Variants in SLX4IP observed in about 807,000 individuals in gnomAD.
SLX4IP encodes the protein protein SLX4IP.
A neutral mutation model predicts 32.9 loss-of-function variants in SLX4IP; 34 were observed. That is an observed-to-expected ratio of 1.03 (90% confidence interval 0.79 to 1.38). The LOEUF (loss-of-function observed/expected upper bound fraction) is 1.38. Among genes scored for constraint, SLX4IP ranks in the 40% most tolerant of loss-of-function variants. The pLI, the probability that SLX4IP is intolerant of heterozygous loss-of-function variation, is 0.00. For synonymous variants in SLX4IP, 172 were observed against 171.7 expected (o/e 1.00, Z -0.01); for missense variants, 444 against 479.0 (o/e 0.93, Z 0.68).
intron 4 of SLX4IP, among the ~76,000 whole-genome samples, chr20:10,585,498 T>C (rs1324934015): frequency 6.6e-6 from 1 of 152,162 alleles, no homozygotes; most frequent in Non-Finnish European, 1.5e-5. Context: ...CAGCCATGAC[T>C]TTTCCTCTGA....
chr20:10,572,456 A>G (rs536622097), intron 4 of SLX4IP, among the ~76,000 whole-genome samples: 1 of 152,240 alleles, frequency 6.6e-6, no homozygotes, highest in South Asian at 2.1e-4. Flanking sequence ...TTCTCTGATC[A>G]TGAGATGGAA....
At chr20:10,482,579 G>A (rs986969252) in intron 2 of SLX4IP, among the ~76,000 whole-genome samples, 1 of 152,150 alleles carries the variant, frequency 6.6e-6, no homozygotes, top group African/African-American at 2.4e-5. Flanking sequence ...ACTCTCTTCT[G>A]AGGTTGTACT....
Position 10,625,243 on chromosome 20 carries a change from G to T in SLX4IP, c.*1864G>T, listed in dbSNP as rs774727577. On this transcript the variant is annotated 3_prime_UTR_variant, in exon 8 of 8. Transcript: ENST00000334534. Reference sequence around the variant, plus strand: ...GCTCTTTATTGAACACAGGACCACAGTGTGTCACTGAATCTTCTTAAACAG... The same window carrying T: ...GCTCTTTATTGAACACAGGACCACATTGTGTCACTGAATCTTCTTAAACAG... 2.0e-5 allele frequency: 3 copies of T among 152,226 alleles called. No homozygotes were observed. Among genetic ancestry groups the T allele is most frequent in the Non-Finnish European group, 4.4e-5 (3 of 68,060 alleles). 9.4% of individuals were successfully genotyped at this position (152,226 alleles called of 1,614,324 possible).
At chr20:10,453,338 C>T (rs2065259000) in intron 1 of SLX4IP, among the ~76,000 whole-genome samples, 1 of 81,536 alleles carries the variant, frequency 1.2e-5, no homozygotes, top group South Asian at 3.5e-4. Flanking sequence ...GTGTGTAGAT[C>T]TTCCTGGACG....
chr20:10,441,828 T>A (rs1267288923), intron 1 of SLX4IP, among the ~76,000 whole-genome samples: 1 of 152,222 alleles, frequency 6.6e-6, no homozygotes, highest in Non-Finnish European at 1.5e-5. Context: ...TTTCAGCCTT[T>A]ATCTGAGTGG....
intron 2 of SLX4IP, among the ~76,000 whole-genome samples, chr20:10,530,027 C>G (rs376178826): frequency 6.6e-6 from 1 of 152,152 alleles, no homozygotes; most frequent in Non-Finnish European, 1.5e-5. Flanking sequence ...AGCCAGCACT[C>G]AGACACAGAG....
chr20:10,494,949 T>C (rs2065654031), intron 2 of SLX4IP, among the ~76,000 whole-genome samples: 1 of 152,172 alleles, frequency 6.6e-6, no homozygotes, highest in Non-Finnish European at 1.5e-5. Flanking sequence ...TTATTAATAA[T>C]GTATATTTCA....
At chr20:10,592,672 T>C (rs1379905035) in intron 4 of SLX4IP, among the ~76,000 whole-genome samples, 1 of 136,188 alleles carries the variant, frequency 7.3e-6, no homozygotes, top group Non-Finnish European at 1.5e-5. Flanking sequence ...TCTCACTCTG[T>C]TGCCCAGGCC....
At chr20:10,444,414 G>T (rs986937011) in intron 1 of SLX4IP, among the ~76,000 whole-genome samples, 9 of 152,054 alleles carry the variant, frequency 5.9e-5, no homozygotes, top group Admixed American at 2.0e-4. Context: ...GTCTCGCTCT[G>T]TCACCCAGGC....
chr20:10,585,464 G>T (rs905774116), intron 4 of SLX4IP, among the ~76,000 whole-genome samples: 2 of 151,992 alleles, frequency 1.3e-5, no homozygotes, highest in African/African-American at 4.8e-5. Flanking sequence ...CTTCCTTTTG[G>T]CCAGAGTTGC....
At chr20:10,555,982 A>G (rs2066262835) in intron 2 of SLX4IP, among the ~76,000 whole-genome samples, 1 of 152,160 alleles carries the variant, frequency 6.6e-6, no homozygotes, top group South Asian at 2.1e-4. Context: ...CAGCCCAGAG[A>G]CAGATATTTT....
At chr20:10,453,083 A>G (rs2065256487) in intron 1 of SLX4IP, among the ~76,000 whole-genome samples, 1 of 152,098 alleles carries the variant, frequency 6.6e-6, no homozygotes, top group African/African-American at 2.4e-5. Flanking sequence ...TATTTTTCTA[A>G]TATCATCGTA....
intron 6 of SLX4IP, among the ~76,000 whole-genome samples, chr20:10,617,319 C>A (rs995165559): frequency 1.3e-5 from 2 of 152,172 alleles, no homozygotes; most frequent in Non-Finnish European, 2.9e-5. Context: ...TCAGAACTTC[C>A]AGGGATGGGT....
intron 2 of SLX4IP, among the ~76,000 whole-genome samples, chr20:10,473,594 A>G (rs549738720): frequency 1.4e-4 from 18 of 126,168 alleles, no homozygotes; most frequent in Admixed American, 1.1e-3. Context: ...TAAAACTGCC[A>G]GAGTTCTGTT....
chr20:10,563,995 A>G (rs924660166), intron 4 of SLX4IP, among the ~76,000 whole-genome samples: 1 of 152,210 alleles, frequency 6.6e-6, no homozygotes, highest in African/African-American at 2.4e-5. Context: ...GACTCTTGCT[A>G]AACTGTCAAT....
intron 2 of SLX4IP, among the ~76,000 whole-genome samples, chr20:10,516,517 G>A (rs1316582757): frequency 6.6e-6 from 1 of 152,176 alleles, no homozygotes; most frequent in East Asian, 1.9e-4. Context: ...GCAGCACTGA[G>A]GAATGAGCAT....
At chr20:10,571,335 A>G (rs2066463438) in intron 4 of SLX4IP, among the ~76,000 whole-genome samples, 1 of 152,174 alleles carries the variant, frequency 6.6e-6, no homozygotes, top group Admixed American at 6.5e-5. Flanking sequence ...CTCTCTCCCC[A>G]GGGACTAGGA....
chr20:10,515,745 A>C (rs1289836073), intron 2 of SLX4IP, among the ~76,000 whole-genome samples: 1 of 152,142 alleles, frequency 6.6e-6, no homozygotes, highest in Non-Finnish European at 1.5e-5. Context: ...AAATTTAAAA[A>C]CTTTGCTTTT....
intron 2 of SLX4IP, among the ~76,000 whole-genome samples, chr20:10,487,847 G>T (rs547502426): frequency 6.6e-6 from 1 of 152,156 alleles, no homozygotes; most frequent in African/African-American, 2.4e-5. Context: ...AATATTTCAG[G>T]CATTTTTGTG....
Sources: gnomAD v4.1 joint callset for allele counts (sites outside exome capture counted in the v4.1 genomes callset) on GRCh38, gnomAD v4.1.1 for gene constraint, MANE v1.5 for transcripts, NCBI Gene and HGNC (gene_info 2026-07-23, HGNC 2026-07-21) for gene names.